Variants in CLIC4 observed in about 807,000 individuals in gnomAD.
CLIC4 encodes the protein CLIC family member 4.
A neutral mutation model predicts 24.6 loss-of-function variants in CLIC4; 13 were observed. The observed-to-expected ratio is 0.53, with a 90% CI of 0.34 to 0.84. CLIC4 has a LOEUF of 0.84. Ranked by LOEUF, CLIC4 falls within the 40% of genes least tolerant of loss-of-function variation. The pLI, the probability that CLIC4 is intolerant of heterozygous loss-of-function variation, is 0.01. For synonymous variants in CLIC4, 104 were observed against 111.3 expected (o/e 0.93, Z 0.41); for missense variants, 227 against 301.7 (o/e 0.75, Z 1.83).
intron 1 of CLIC4, among the ~76,000 whole-genome samples, chr1:24,760,391 A>G (rs1178824420): frequency 2.0e-5 from 3 of 152,046 alleles, no homozygotes; most frequent in Non-Finnish European, 4.4e-5. Context: ...AGAAAAGAAA[A>G]TCTTAAATAG....
rs1248689066 is a variant in CLIC4 at position 24,784,935 on chromosome 1, C to T, written c.73-12807C>T. Among the ~76,000 whole-genome samples, 29 of 147,064 alleles carry T rather than the reference C, an allele frequency of 2.0e-4. 1 individual carries two copies. Among genetic ancestry groups the T allele is most frequent in the South Asian group, 4.2e-4 (2 of 4,716 alleles). ...TGGAGAATGGCGTGAACCCGGGAGGCGGAGCTTGCAGTGAGCCAAGATCGC... is the reference window on the plus strand; with the variant it reads ...TGGAGAATGGCGTGAACCCGGGAGGTGGAGCTTGCAGTGAGCCAAGATCGC... On this transcript the variant is annotated intron_variant, in intron 1 of 5. Transcript: ENST00000374379.
intron 1 of CLIC4, among the ~76,000 whole-genome samples, chr1:24,748,508 T>G (rs930140996): frequency 2.8e-5 from 4 of 143,014 alleles, no homozygotes; most frequent in Non-Finnish European, 4.6e-5. Flanking sequence ...TGTTTTTTTT[T>G]TTTTTTTTTT....
At chr1:24,838,774 G>C (rs1308280721) in intron 4 of CLIC4, among the ~76,000 whole-genome samples, 1 of 151,996 alleles carries the variant, frequency 6.6e-6, no homozygotes, top group Non-Finnish European at 1.5e-5. Flanking sequence ...CCCCCTTTCT[G>C]CTGAGGGCCA....
At chr1:24,823,752 C>T (rs1192681347) in intron 3 of CLIC4, among the ~76,000 whole-genome samples, 1 of 83,594 alleles carries the variant, frequency 1.2e-5, no homozygotes, top group Admixed American at 1.8e-4. Context: ...CTAGCCTGGA[C>T]AATAAGAGCA....
intron 3 of CLIC4, among the ~76,000 whole-genome samples, chr1:24,820,326 G>A (rs1314867195): frequency 7.8e-6 from 1 of 128,952 alleles, no homozygotes; most frequent in African/African-American, 2.9e-5. Flanking sequence ...CCAGGCTGGA[G>A]TGCAGTGGTG....
At chr1:24,759,768 G>A (rs975242527) in intron 1 of CLIC4, among the ~76,000 whole-genome samples, 35 of 152,126 alleles carry the variant, frequency 2.3e-4, no homozygotes, top group African/African-American at 7.2e-4. Flanking sequence ...CTGCAACGTG[G>A]GGAAACCCCA....
intron 1 of CLIC4, among the ~76,000 whole-genome samples, chr1:24,747,194 A>T (rs978128409): frequency 1.3e-5 from 2 of 150,030 alleles, no homozygotes; most frequent in African/African-American, 4.9e-5. Context: ...TGAGTGGCAG[A>T]TATAGTACTT....
At position 24,785,873 on chromosome 1, in the gene CLIC4, A is replaced by G. The variant is rs867223806; in HGVS notation, c.73-11869A>G. ...ACAACTCAAAAAAAAAAAAAAAAAA[A>G]AAAGAAAAGAAAAAAAGAAAAACTG... On this transcript the variant is annotated intron_variant, in intron 1 of 5. Coordinates refer to ENST00000374379, the MANE Select transcript of CLIC4 (RefSeq NM_013943.3). 3.0e-3 allele frequency among the ~76,000 whole-genome samples: 454 copies of G among 150,738 alleles called. 3 individuals are homozygous for G. Among genetic ancestry groups the G allele is most frequent in the African/African-American group, 0.01 (431 of 41,104 alleles).
At position 24,745,493 on chromosome 1, in the gene CLIC4, G is replaced by GAGCAGA; in HGVS notation, c.-55_-50dup. 3 of 1,481,944 alleles carry GAGCAGA rather than the reference G, an allele frequency of 2.0e-6. No homozygotes were observed. Among genetic ancestry groups the GAGCAGA allele is most frequent in the South Asian group, 1.2e-5 (1 of 80,872 alleles). The allele number at this position is 1,481,944 out of a possible 1,614,324, so 91.8% of individuals were successfully genotyped here. A position where few individuals can be genotyped will look rare whatever the true frequency, so the allele number is the denominator to read the frequency against. ...GGAACCGGCAGCCGGAGCAGTCCCGGAGCAGAAGCAGCAGCAGCAGCAGCA... is the reference window on the plus strand; with the variant it reads ...GGAACCGGCAGCCGGAGCAGTCCCGGAGCAGAAGCAGAAGCAGCAGCAGCAGCAGCA... On this transcript the variant is annotated 5_prime_UTR_variant, in exon 1 of 6. Coordinates refer to ENST00000374379, the MANE Select transcript of CLIC4 (RefSeq NM_013943.3).
chr1:24,820,617 T>G (rs918454512), intron 3 of CLIC4, among the ~76,000 whole-genome samples: 1 of 152,172 alleles, frequency 6.6e-6, no homozygotes, highest in Admixed American at 6.5e-5. Context: ...TTTGCCAACT[T>G]GCTCTCAGAC....
intron 3 of CLIC4, among the ~76,000 whole-genome samples, chr1:24,819,946 T>C (rs1639709185): frequency 6.9e-6 from 1 of 144,652 alleles, no homozygotes; most frequent in South Asian, 2.2e-4. Context: ...TTTTACCATA[T>C]TGGCCAAGCT....
intron 4 of CLIC4, among the ~76,000 whole-genome samples, chr1:24,835,467 G>T (rs951810015): frequency 3.3e-5 from 5 of 152,322 alleles, no homozygotes; most frequent in South Asian, 4.1e-4. Context: ...GGAGGCTGAG[G>T]CAGGAGAGTC....
intron 1 of CLIC4, among the ~76,000 whole-genome samples, chr1:24,749,835 C>T (rs1470958517): frequency 6.6e-6 from 1 of 152,146 alleles, no homozygotes; most frequent in Non-Finnish European, 1.5e-5. Flanking sequence ...TGGCTCACGC[C>T]TGTAATCCCA....
At chr1:24,806,389 A>G (rs1639550570) in intron 2 of CLIC4, among the ~76,000 whole-genome samples, 1 of 152,204 alleles carries the variant, frequency 6.6e-6, no homozygotes, top group Admixed American at 6.5e-5. Context: ...TTTGAAGTCT[A>G]CTAATACGTT....
chr1:24,817,060 G>A (rs946835019), intron 3 of CLIC4, among the ~76,000 whole-genome samples: 12 of 152,168 alleles, frequency 7.9e-5, no homozygotes, highest in Non-Finnish European at 1.8e-4. Flanking sequence ...GAAACCAGAC[G>A]TTGACTTTTT....
At chr1:24,794,794 T>C (rs960590427) in intron 1 of CLIC4, among the ~76,000 whole-genome samples, 5 of 152,232 alleles carry the variant, frequency 3.3e-5, no homozygotes, top group Non-Finnish European at 7.3e-5. Flanking sequence ...TGGCACTGAC[T>C]AGGTTGTCTT....
At chr1:24,748,505 T>TTG (rs1553188253) in intron 1 of CLIC4, among the ~76,000 whole-genome samples, 39 of 140,260 alleles carry the variant, frequency 2.8e-4, no homozygotes, top group African/African-American at 6.8e-4. Context: ...TTTTGTTTTT[T>TTG]TTTTTTTTTT....
chr1:24,766,009 GTTTT>G (rs200678135), intron 1 of CLIC4, among the ~76,000 whole-genome samples: 1 of 151,102 alleles, frequency 6.6e-6, no homozygotes, highest in Non-Finnish European at 1.5e-5. Flanking sequence ...TTTAATTTTA[GTTTT>G]TTTTCTTTTG....
intron 1 of CLIC4, among the ~76,000 whole-genome samples, chr1:24,785,723 G>A (rs1302151946): frequency 1.3e-5 from 2 of 151,790 alleles, no homozygotes; most frequent in Admixed American, 6.6e-5. Context: ...ATGGTGGCAG[G>A]TGCCTATAAT....
Sources: gnomAD v4.1 joint callset for allele counts (sites outside exome capture counted in the v4.1 genomes callset) on GRCh38, gnomAD v4.1.1 for gene constraint, MANE v1.5 for transcripts, NCBI Gene and HGNC (gene_info 2026-07-23, HGNC 2026-07-21) for gene names.